Variants in FLACC1 observed in about 807,000 individuals in gnomAD.
FLACC1 encodes flagellum-associated coiled-coil domain-containing protein 1.
In FLACC1, 66 loss-of-function variants were observed where a neutral mutation model predicts 62.8. That is an observed-to-expected ratio of 1.05 (90% CI 0.86 to 1.29). The LOEUF is 1.29. Ranked by LOEUF, FLACC1 falls within the 50% of genes most tolerant of loss-of-function variation. FLACC1 has a pLI of 0.00. For missense variants in FLACC1, 452 were observed against 489.1 expected, an observed-to-expected ratio of 0.92 and a Z score of 0.71; for synonymous variants, 156 against 161.0, an observed-to-expected ratio of 0.97 and a Z score of 0.24.
intron 4 of FLACC1, among the ~76,000 whole-genome samples, chr2:201,347,585 CA>C (rs1950940922): frequency 7.4e-6 from 1 of 135,712 alleles, no homozygotes; most frequent in African/African-American, 2.7e-5. Context: ...AAATATTTTC[CA>C]AAAAAATTAA....
At chr2:201,348,478 T>C (rs1406802210) in intron 3 of FLACC1, among the ~76,000 whole-genome samples, 176 bp from the exon 4 acceptor site, 1 of 152,132 alleles carries the variant, frequency 6.6e-6, no homozygotes, top group East Asian at 1.9e-4. Context: ...GGCCCCAAAG[T>C]AGGGGTGCTC....
At chr2:201,356,319 C>A (rs1310585088) in intron 1 of FLACC1, among the ~76,000 whole-genome samples, 1 of 152,138 alleles carries the variant, frequency 6.6e-6, no homozygotes, top group Non-Finnish European at 1.5e-5. Context: ...CGCCACCATG[C>A]CTGGCTAATT....
At chr2:201,359,872 C>T (rs936097384), upstream of FLACC1, among the ~76,000 whole-genome samples, 31 of 151,876 alleles carry the variant, frequency 2.0e-4, no homozygotes, top group African/African-American at 7.5e-4. Context: ...TGTCTCCATC[C>T]AGAGATTGAA....
intron 9 of FLACC1, among the ~76,000 whole-genome samples, chr2:201,318,446 A>G (rs1038150704): frequency 2.6e-5 from 4 of 152,216 alleles, no homozygotes; most frequent in Non-Finnish European, 5.9e-5. Context: ...ACATGAATAG[A>G]CAATTCTCAA....
intron 7 of FLACC1, among the ~76,000 whole-genome samples, chr2:201,339,621 A>G (rs1950765530): frequency 6.6e-6 from 1 of 151,988 alleles, no homozygotes; most frequent in Non-Finnish European, 1.5e-5. Flanking sequence ...TTTTGTTTCA[A>G]GAAATTTTTT....
chr2:201,358,249 C>T (rs2125631791), upstream of FLACC1, among the ~76,000 whole-genome samples: 1 of 152,160 alleles, frequency 6.6e-6, no homozygotes, highest in South Asian at 2.1e-4. Flanking sequence ...TCCTTTGAGA[C>T]AGTAGCTCAC....
At chr2:201,299,520 T>C (rs1487061241) in intron 11 of FLACC1, among the ~76,000 whole-genome samples, 2 of 152,202 alleles carry the variant, frequency 1.3e-5, no homozygotes, top group East Asian at 3.8e-4. Context: ...TAAAAGAAAT[T>C]ATATTTTCAT....
upstream of FLACC1, among the ~76,000 whole-genome samples, chr2:201,357,717 T>G (rs1951141832): frequency 6.6e-6 from 1 of 152,170 alleles, no homozygotes; most frequent in African/African-American, 2.4e-5. Flanking sequence ...CTCTAGACAC[T>G]TTTTTCCCTC....
At chr2:201,319,399 C>T (rs1016222080) in intron 9 of FLACC1, among the ~76,000 whole-genome samples, 20 of 149,974 alleles carry the variant, frequency 1.3e-4, no homozygotes, top group African/African-American at 4.9e-4. Flanking sequence ...AACTCAAACT[C>T]TAAGAATCCT....
intron 9 of FLACC1, among the ~76,000 whole-genome samples, chr2:201,327,604 A>G (rs1358603497): frequency 6.6e-6 from 1 of 152,210 alleles, no homozygotes; most frequent in African/African-American, 2.4e-5. Context: ...TTAAAACCAC[A>G]ATGAGATACC....
upstream of FLACC1, among the ~76,000 whole-genome samples, chr2:201,359,636 A>G (rs1951167661): frequency 6.6e-6 from 1 of 152,198 alleles, no homozygotes; most frequent in Non-Finnish European, 1.5e-5. Flanking sequence ...CAGTGCTATC[A>G]GAGTTGGTGC....
At chr2:201,338,210 T>A (rs1284920745) in intron 7 of FLACC1, among the ~76,000 whole-genome samples, 1 of 152,268 alleles carries the variant, frequency 6.6e-6, no homozygotes, top group Non-Finnish European at 1.5e-5. Context: ...GCTATTTCAC[T>A]GTTGGTGTAC....
At chr2:201,327,705 G>A (rs1950522122) in intron 9 of FLACC1, among the ~76,000 whole-genome samples, 1 of 152,124 alleles carries the variant, frequency 6.6e-6, no homozygotes, top group Non-Finnish European at 1.5e-5. Flanking sequence ...CTTATATACT[G>A]CTGGTGGGAA....
chr2:201,341,598 T>C (rs952532530), intron 7 of FLACC1, among the ~76,000 whole-genome samples: 2 of 151,418 alleles, frequency 1.3e-5, no homozygotes, highest in African/African-American at 4.8e-5. Flanking sequence ...TAGTAAAAAG[T>C]TTACTAGAGT....
At chr2:201,315,144 CA>C (rs1950285916) in intron 9 of FLACC1, among the ~76,000 whole-genome samples, 2 of 151,752 alleles carry the variant, frequency 1.3e-5, no homozygotes, top group Admixed American at 1.3e-4. Flanking sequence ...AAAACAAAAA[CA>C]AAAAAACCCA....
chr2:201,296,272 A>T (rs571182343), intron 12 of FLACC1, among the ~76,000 whole-genome samples: 35 of 152,240 alleles, frequency 2.3e-4, no homozygotes, highest in African/African-American at 7.7e-4. Context: ...CAAATGTCGA[A>T]CAATGATAGA....
At chr2:201,315,674 T>C (rs1025342782) in intron 9 of FLACC1, among the ~76,000 whole-genome samples, 4 of 151,998 alleles carry the variant, frequency 2.6e-5, no homozygotes, top group African/African-American at 7.2e-5. Context: ...AAAGAAACAA[T>C]AGATTTAAAA....
chr2:201,309,925 A>AAGAAG (rs1553611897), intron 9 of FLACC1, among the ~76,000 whole-genome samples: 44 of 99,446 alleles, frequency 4.4e-4, no homozygotes, highest in Middle Eastern at 6.0e-3. Flanking sequence ...AAAAAAAAAA[A>AAGAAG]AAGAAGAAGA....
In FLACC1 at chr2:201,350,633, G is replaced by T. The variant is rs1257492504; in HGVS notation, c.185+78C>A. The T allele has an allele frequency of 2.3e-5, 30 of 1,309,982 alleles. No homozygotes were observed. In the East Asian group the frequency reaches 6.4e-4, roughly 28 times the overall value. The allele number at this position is 1,309,982 out of a possible 1,614,324, so 81.1% of individuals were successfully genotyped here. A position where few individuals can be genotyped will look rare whatever the true frequency, so the allele number is the denominator to read the frequency against. ...GAGGCAGAGGTTGCAGTGAGCCAAG[G>T]TTACACCACTGCACTCTAGCCTGGG... On this transcript the variant is annotated intron_variant, in intron 3 of 14. Coordinates refer to ENST00000392257, the MANE Select transcript of FLACC1 (RefSeq NM_001127391.3).
Sources: allele counts gnomAD v4.1 joint callset (sites outside exome capture counted in the v4.1 genomes callset), GRCh38; gene constraint gnomAD v4.1.1; transcripts MANE v1.5; gene names NCBI Gene and HGNC (gene_info 2026-07-23, HGNC 2026-07-21).